NRXN1: variants seen among roughly 807,000 people sequenced by gnomAD.
The protein encoded by NRXN1 is neurexin 1.
In NRXN1, 39 loss-of-function variants were observed where a neutral mutation model predicts 150.9. The observed-to-expected ratio is 0.26, with a 90% CI of 0.20 to 0.34. NRXN1 has a LOEUF of 0.34. Among genes scored for constraint, NRXN1 ranks in the 10% least tolerant of loss-of-function variants. The pLI is 1.00. For missense variants in NRXN1, 1,815 were observed against 1,949.9 expected (o/e 0.93, Z 1.30); for synonymous variants, 924 against 757.0 (o/e 1.22, Z -3.62).
intron 17 of NRXN1, among the ~76,000 whole-genome samples, chr2:50,325,431 G>A (rs2076324929): frequency 6.6e-6 from 1 of 152,166 alleles, no homozygotes; most frequent in African/African-American, 2.4e-5. Context: ...TCCCTTAGGG[G>A]GATGGGGACT....
intron 18 of NRXN1, among the ~76,000 whole-genome samples, chr2:50,148,697 T>C (rs1391897893): frequency 6.6e-6 from 1 of 151,756 alleles, no homozygotes; most frequent in African/African-American, 2.4e-5. Flanking sequence ...GTGCCCCTGA[T>C]GCTACTGTTC....
At position 49,922,175 on chromosome 2, in the gene NRXN1, C is replaced by A; in HGVS notation, c.4293G>T (p.Thr1431=). The A allele has an allele frequency of 6.2e-7, 1 of 1,614,104 alleles. No homozygotes were observed. Among genetic ancestry groups the A allele is most frequent in the Non-Finnish European group, 8.5e-7 (1 of 1,180,018 alleles). ...AEVIRESSST[T]GMVVGIVAAA... ...CGGCTACTATCCCAACGACCATACC[C>A]GTGGTGCTGCTGGACTCCCGGATCA... Residue 1431 remains threonine, a synonymous_variant, in exon 23 of 23, where the codon ACG becomes ACT. Transcript: ENST00000401669.
chr2:50,822,578 T>C (rs755709542), intron 5 of NRXN1, among the ~76,000 whole-genome samples: 1 of 152,106 alleles, frequency 6.6e-6, no homozygotes, highest in African/African-American at 2.4e-5. Flanking sequence ...CAAGCTTAGA[T>C]TGCAACAGAA....
chr2:50,781,068 CT>C (rs1704291888), intron 5 of NRXN1, among the ~76,000 whole-genome samples: 1 of 152,186 alleles, frequency 6.6e-6, no homozygotes, highest in Admixed American at 6.5e-5. Flanking sequence ...AAGTTCATTA[CT>C]TGTAGCAAAA....
At chr2:50,277,487 TCTTCCCTTCTTTTTCCTTCCTTC>T (rs1253216074) in intron 17 of NRXN1, among the ~76,000 whole-genome samples, 1 of 92,462 alleles carries the variant, frequency 1.1e-5, no homozygotes, top group Non-Finnish European at 2.3e-5. Context: ...TTCCTTCCTT[TCTTCCCTTCTTTTTCCTTCCTTC>T]CTTCCTTTTT....
intron 17 of NRXN1, among the ~76,000 whole-genome samples, chr2:50,458,288 G>T (rs1022066081): frequency 5.9e-5 from 9 of 152,066 alleles, no homozygotes; most frequent in African/African-American, 2.2e-4. Flanking sequence ...GCCATAAAGG[G>T]TAGAAAGGTG....
chr2:50,689,174 C>A (rs1360279081), intron 5 of NRXN1, among the ~76,000 whole-genome samples: 5 of 151,944 alleles, frequency 3.3e-5, no homozygotes, highest in Non-Finnish European at 7.4e-5. Context: ...ATTAAAAAAA[C>A]AAATTGAAAC....
chr2:50,185,947 T>C (rs1262964564), intron 18 of NRXN1, among the ~76,000 whole-genome samples: 2 of 152,088 alleles, frequency 1.3e-5, no homozygotes, highest in Non-Finnish European at 2.9e-5. Flanking sequence ...TCATTACCTA[T>C]AAATATTTTT....
intron 21 of NRXN1, among the ~76,000 whole-genome samples, chr2:49,987,126 TTATC>T (rs1227967834): frequency 1.3e-5 from 2 of 152,172 alleles, no homozygotes; most frequent in African/African-American, 4.8e-5. Flanking sequence ...TTATTCCTCC[TTATC>T]TAACTGTAAT....
rs368752941 is a variant in NRXN1, at chr2:50,269,859, G to A, written c.3365-32889C>T. The stretch of plus-strand genomic sequence containing the variant: ...AAAGGTCTAATTTGGGAAAAGACTC[G>A]TTCCTTAAATTTTACTCTAGTTTTT... On this transcript the variant is annotated intron_variant, in intron 17 of 22. Transcript: ENST00000401669. Among the ~76,000 whole-genome samples the A allele has an allele frequency of 5.0e-4, 76 of 152,226 alleles. 1 individual carries two copies. The highest frequency in any genetic ancestry group is 4.6e-3 in the South Asian group (22 of 4,822).
intron 5 of NRXN1, among the ~76,000 whole-genome samples, chr2:50,782,425 T>A (rs1704478572): frequency 6.6e-6 from 1 of 151,926 alleles, no homozygotes. Context: ...GCCGAGATCA[T>A]GCCACTGCAC....
intron 8 of NRXN1, among the ~76,000 whole-genome samples, chr2:50,616,983 T>C (rs1308476031): frequency 6.6e-6 from 1 of 152,214 alleles, no homozygotes; most frequent in African/African-American, 2.4e-5. Context: ...TATATCCCTC[T>C]CTTTTCAGTA....
intron 19 of NRXN1, among the ~76,000 whole-genome samples, chr2:50,059,113 G>A (rs1287173060): frequency 6.6e-6 from 1 of 152,162 alleles, no homozygotes; most frequent in Non-Finnish European, 1.5e-5. Flanking sequence ...GAAGATGTGG[G>A]ATAATTTGGA....
intron 18 of NRXN1, among the ~76,000 whole-genome samples, chr2:50,092,436 T>C (rs1041465132): frequency 2.0e-5 from 3 of 152,238 alleles, no homozygotes; most frequent in African/African-American, 4.8e-5. Flanking sequence ...ACCTGTGCTG[T>C]AGGCCCTTGT....
At chr2:50,446,701 G>T (rs1209319475) in intron 17 of NRXN1, among the ~76,000 whole-genome samples, 1 of 150,884 alleles carries the variant, frequency 6.6e-6, no homozygotes, top group Non-Finnish European at 1.5e-5. Flanking sequence ...ATACTTTTTG[G>T]CTGTTGAATT....
Position 49,918,957 on chromosome 2 carries a change from C to T in NRXN1, c.*2987G>A, listed in dbSNP as rs546603463. 6.6e-6 allele frequency: 1 copy of T among 152,042 alleles called. No homozygotes were observed. The highest frequency in any genetic ancestry group is 2.4e-5 in the African/African-American group (1 of 41,524). The allele number at this position is 152,042 out of a possible 1,614,324, so 9.4% of individuals were successfully genotyped here. Reference sequence around the variant, plus strand: ...ATTGGCCTTGCAACAGAAAAACAAACAAACAAAAAAAGAAGAAGAAAACCC... The same window carrying T: ...ATTGGCCTTGCAACAGAAAAACAAATAAACAAAAAAAGAAGAAGAAAACCC... On this transcript the variant is annotated 3_prime_UTR_variant, in exon 23 of 23. Coordinates refer to ENST00000401669, the MANE Select transcript of NRXN1 (RefSeq NM_001330078.2).
At chr2:50,240,765 C>A (rs889914735) in intron 17 of NRXN1, among the ~76,000 whole-genome samples, 6 of 151,618 alleles carry the variant, frequency 4.0e-5, no homozygotes, top group Non-Finnish European at 7.4e-5. Context: ...GCAACACTAT[C>A]TTATAGAGCT....
intron 5 of NRXN1, among the ~76,000 whole-genome samples, chr2:50,740,173 G>A (rs1405392642): frequency 6.6e-6 from 1 of 152,094 alleles, no homozygotes; most frequent in African/African-American, 2.4e-5. Flanking sequence ...GGCTTTGGTG[G>A]AAACTTATCC....
chr2:50,318,580 A>G (rs1466013872), intron 17 of NRXN1, among the ~76,000 whole-genome samples: 1 of 152,022 alleles, frequency 6.6e-6, no homozygotes, highest in Non-Finnish European at 1.5e-5. Context: ...ATTTTTTTTC[A>G]CTCAGTAGAA....
Sources: gnomAD v4.1 joint callset for allele counts (sites outside exome capture counted in the v4.1 genomes callset) on GRCh38, gnomAD v4.1.1 for gene constraint, MANE v1.5 for transcripts, NCBI Gene and HGNC (gene_info 2026-07-23, HGNC 2026-07-21) for gene names.